Variants in AVEN observed in about 807,000 individuals in gnomAD.
The protein encoded by AVEN is cell death regulator Aven.
AVEN carries 41 observed loss-of-function variants against 38.1 expected under a neutral mutation model. That is an observed-to-expected ratio of 1.08 (90% CI 0.84 to 1.40). AVEN has a LOEUF of 1.40. Among genes scored for constraint, AVEN ranks in the 40% most tolerant of loss-of-function variants. AVEN has a pLI of 0.00. For synonymous variants in AVEN, 206 were observed against 171.8 expected (o/e 1.20, Z -1.56); for missense variants, 605 against 438.8 (o/e 1.38, Z -3.38).
At chr15:33,875,294 T>G (rs559101867) in intron 3 of AVEN, among the ~76,000 whole-genome samples, 1 of 152,302 alleles carries the variant, frequency 6.6e-6, no homozygotes, top group South Asian at 2.1e-4. Flanking sequence ...AAGTCACCAC[T>G]ATGTCCCTAT....
At chr15:33,999,088 A>G (rs1215237182) in intron 2 of AVEN, among the ~76,000 whole-genome samples, 1 of 152,062 alleles carries the variant, frequency 6.6e-6, no homozygotes, top group African/African-American at 2.4e-5. Context: ...AACCTGTTCT[A>G]CCCTAGAAGG....
chr15:33,991,230 C>A (rs1896707541), intron 2 of AVEN: 1 of 152,030 alleles, frequency 6.6e-6, no homozygotes, highest in South Asian at 2.1e-4. Context: ...TTATAGAGAC[C>A]CTGGCCCTGA....
At chr15:33,887,292 T>C (rs981115806) in intron 2 of AVEN, among the ~76,000 whole-genome samples, 17 of 152,186 alleles carry the variant, frequency 1.1e-4, no homozygotes, top group Admixed American at 2.6e-4. Flanking sequence ...GGAGGGATTG[T>C]GCTCACTAAA....
chr15:34,041,699 A>G (rs751639121), upstream of AVEN, among the ~76,000 whole-genome samples: 4 of 152,182 alleles, frequency 2.6e-5, no homozygotes, highest in Admixed American at 1.3e-4. Flanking sequence ...ACCTGATACT[A>G]TTCTAAGCAC....
At position 34,063,121 on chromosome 15, in the gene AVEN, C is replaced by T. The variant is rs1900405105; in HGVS notation, n.1438G>A. 6.2e-7 allele frequency: 1 copy of T among 1,614,018 alleles called. No homozygotes were observed. Among genetic ancestry groups the T allele is most frequent in the African/African-American group, 1.3e-5 (1 of 74,896 alleles). ...GACCGTTACTTTTCCATCACAAGACCCTTGACATATCGGGCCAAGCGTACT... is the reference window on the plus strand; with the variant it reads ...GACCGTTACTTTTCCATCACAAGACTCTTGACATATCGGGCCAAGCGTACT... On this transcript the variant is annotated non_coding_transcript_exon_variant, in exon 5 of 12. Transcript: ENST00000675287. The surrounding 1 kb of genome is among the most constrained non-coding windows in gnomAD (Gnocchi z 4.1).
At chr15:33,873,816 A>C (rs1385765130) in intron 3 of AVEN, among the ~76,000 whole-genome samples, 1 of 152,246 alleles carries the variant, frequency 6.6e-6, no homozygotes, top group East Asian at 1.9e-4. Flanking sequence ...TAGTTACTCA[A>C]GCTAGAAAGC....
chr15:33,851,910 A>G, the AVEN span: 1 of 152,164 alleles, frequency 6.6e-6, no homozygotes, highest in Non-Finnish European at 1.5e-5. Context: ...CATCCCCCAG[A>G]GATAAAATAT....
At chr15:34,042,649 C>T (rs965264466), upstream of AVEN, among the ~76,000 whole-genome samples, 4 of 151,842 alleles carry the variant, frequency 2.6e-5, no homozygotes, top group South Asian at 2.1e-4. Context: ...GTGATCCATC[C>T]GCCTCAGCCT....
At chr15:34,069,303 C>T (rs1340547577) in intron 2 of AVEN, among the ~76,000 whole-genome samples, 3 of 150,806 alleles carry the variant, frequency 2.0e-5, no homozygotes, top group Non-Finnish European at 4.4e-5. Flanking sequence ...GCCTGTAATC[C>T]CAGCTACTTG....
chr15:33,983,154 GTGTGTA>G (rs1346122590), intron 2 of AVEN, among the ~76,000 whole-genome samples: 6 of 111,708 alleles, frequency 5.4e-5, no homozygotes, highest in East Asian at 3.1e-4. Context: ...GTGTGTGTGT[GTGTGTA>G]TGTGTGTGTG....
chr15:34,046,986 C>G (rs1269654051), intron 5 of AVEN: 2 of 152,236 alleles, frequency 1.3e-5, no homozygotes, highest in Non-Finnish European at 2.9e-5. Flanking sequence ...AGGTCCAACA[C>G]ACAGAGCTGT....
downstream of AVEN, chr15:33,865,648 AAAGAT>A: frequency 6.3e-6 from 1 of 158,520 alleles, no homozygotes; most frequent in Non-Finnish European, 1.4e-5. Flanking sequence ...ACTCACTCCA[AAAGAT>A]AATAACTGCA....
intron 1 of AVEN, among the ~76,000 whole-genome samples, chr15:34,072,324 T>A (rs1472116855): frequency 6.7e-6 from 1 of 149,222 alleles, no homozygotes; most frequent in Non-Finnish European, 1.5e-5. Flanking sequence ...AAATAAAAAA[T>A]TACCTGGGCC....
At chr15:34,011,191 C>G (rs1471522567) in intron 1 of AVEN, among the ~76,000 whole-genome samples, 1 of 147,562 alleles carries the variant, frequency 6.8e-6, no homozygotes, top group African/African-American at 2.5e-5. Context: ...GACTCTGTCT[C>G]AAAAAAAACT....
chr15:33,859,352 A>G (rs80055412), intron 11 of AVEN, among the ~76,000 whole-genome samples: 1,581 of 152,356 alleles, frequency 0.01, 14 homozygotes, highest in Non-Finnish European at 0.017. Context: ...ATACCTTTTA[A>G]AAGCCTAAAT....
intron 2 of AVEN, among the ~76,000 whole-genome samples, chr15:33,937,070 G>T (rs1224201051): frequency 7.1e-6 from 1 of 140,098 alleles, no homozygotes; most frequent in Non-Finnish European, 1.5e-5. Flanking sequence ...GGCGGTGCTT[G>T]CAGTGAGCCG....
At chr15:33,913,256 G>A (rs766165276) in intron 2 of AVEN, among the ~76,000 whole-genome samples, 3 of 152,114 alleles carry the variant, frequency 2.0e-5, no homozygotes, top group Non-Finnish European at 4.4e-5. Flanking sequence ...CTCAAACCCC[G>A]TGACCATGCC....
At chr15:34,047,014 C>A (rs996601326) in intron 5 of AVEN, 1 of 152,174 alleles carries the variant, frequency 6.6e-6, no homozygotes, top group Non-Finnish European at 1.5e-5. Context: ...TTCAGCAGAG[C>A]AGCCGCTCAG....
intron 2 of AVEN, among the ~76,000 whole-genome samples, chr15:33,921,932 C>T (rs968921070): frequency 2.6e-5 from 4 of 151,904 alleles, no homozygotes; most frequent in Non-Finnish European, 5.9e-5. Flanking sequence ...GAGCAGGGAG[C>T]GGAGGGTGGG....
Sources: gnomAD v4.1 joint callset for allele counts (sites outside exome capture counted in the v4.1 genomes callset) on GRCh38, gnomAD v4.1.1 for gene constraint, Gnocchi (gnomAD v3.1) non-coding constraint, MANE v1.5 for transcripts, NCBI Gene and HGNC (gene_info 2026-07-23, HGNC 2026-07-21) for gene names.